Variants in ETV7 observed in about 807,000 individuals in gnomAD.
ETV7 encodes ETS variant transcription factor 7, also known as transcription factor ETV7.
Under a neutral mutation model 39.1 loss-of-function variants are expected in ETV7, and 43 were observed. The observed-to-expected ratio is 1.10, with a 90% CI of 0.86 to 1.42. ETV7 has a LOEUF of 1.42. Ranked by LOEUF, ETV7 falls within the 40% of genes most tolerant of loss-of-function variation. The pLI is 0.00. For missense variants in ETV7, 432 were observed against 442.3 expected (o/e 0.98, Z 0.21); for synonymous variants, 196 against 176.6 (o/e 1.11, Z -0.87).
intron 3 of ETV7, 23 bp from the exon 4 acceptor site, chr6:36,373,601 G>GTTGGC: frequency 1.1e-5 from 5 of 475,646 alleles, no homozygotes; most frequent in East Asian, 8.3e-5. Context: ...GGGAGGGAGG[G>GTTGGC]CAGGCTGCTG....
At chr6:36,365,542 G>C (rs923211309), downstream of ETV7, among the ~76,000 whole-genome samples, 2 of 152,344 alleles carry the variant, frequency 1.3e-5, no homozygotes, top group South Asian at 4.1e-4. Context: ...TACAGGGACA[G>C]GAGCATAGGA....
At chr6:36,364,189 G>T (rs1772628915), downstream of ETV7, among the ~76,000 whole-genome samples, 1 of 152,268 alleles carries the variant, frequency 6.6e-6, no homozygotes, top group South Asian at 2.1e-4. Flanking sequence ...CTGCACTGGG[G>T]CTGCAGGTGG....
chr6:36,376,788 A>C (rs976206143), intron 2 of ETV7, among the ~76,000 whole-genome samples: 16 of 152,006 alleles, frequency 1.1e-4, no homozygotes, highest in Non-Finnish European at 1.6e-4. Flanking sequence ...GAAAAAAAAA[A>C]AAAAAAAAGG....
rs750955429 is a variant in ETV7, at chr6:36,368,920, G to A, written c.807+9C>T. 9.4e-5 allele frequency: 152 copies of A among 1,613,976 alleles called. No individual in the cohort carries two copies. Among genetic ancestry groups the A allele is most frequent in the Non-Finnish European group, 1.2e-4 (139 of 1,179,998 alleles). On this transcript the variant is annotated intron_variant, in intron 6 of 7. Transcript: ENST00000340181. The stretch of plus-strand genomic sequence containing the variant: ...TTATGTTGAGACCATTCTGCTGGCC[G>A]AGGCTCACCTTGTGATTTCCCCAGA...
In ETV7 at chr6:36,366,984, C is replaced by T. The variant is rs368626053; in HGVS notation, c.808-9G>A. ...GTCATGTTCACCCGGTTCTGGAAAG[C>T]AAAGCAGCCCCACATCAGCCCCACT... On this transcript the variant is annotated splice_polypyrimidine_tract_variant and intron_variant, in intron 6 of 7. Transcript: ENST00000340181. 1 of 1,612,368 alleles carries T rather than the reference C, an allele frequency of 6.2e-7. No individual in the cohort carries two copies. The highest frequency in any genetic ancestry group is 1.1e-5 in the South Asian group (1 of 91,024).
chr6:36,378,255 A>T (rs1216239709), intron 2 of ETV7, among the ~76,000 whole-genome samples: 1 of 151,706 alleles, frequency 6.6e-6, no homozygotes, highest in Non-Finnish European at 1.5e-5. Flanking sequence ...AAAAAAAAAA[A>T]ACCTGACTCT....
chr6:36,355,937 T>C, intron 7 of ETV7, among the ~76,000 whole-genome samples: 1 of 152,210 alleles, frequency 6.6e-6, no homozygotes, highest in East Asian at 1.9e-4. Context: ...ACTCTCCTCC[T>C]ACGACAGAGA....
At chr6:36,383,568 C>T (rs1390877367) in intron 2 of ETV7, among the ~76,000 whole-genome samples, 3 of 151,840 alleles carry the variant, frequency 2.0e-5, no homozygotes, top group African/African-American at 4.8e-5. Flanking sequence ...GGGTGGGTGA[C>T]GGGGAATAAA....
intron 7 of ETV7, among the ~76,000 whole-genome samples, chr6:36,360,570 T>C (rs1772460588): frequency 6.6e-6 from 1 of 152,126 alleles, no homozygotes; most frequent in Non-Finnish European, 1.5e-5. Context: ...ATGCCTGAGC[T>C]GGAGAGTACA....
At chr6:36,386,995 G>A (rs1773937077) in intron 1 of ETV7, 2 of 173,454 alleles carry the variant, frequency 1.2e-5, no homozygotes, top group Admixed American at 1.1e-4. Context: ...GAGCTGCTGA[G>A]GATCAGACTC....
At chr6:36,376,674 G>A (rs1054615619) in intron 2 of ETV7, among the ~76,000 whole-genome samples, 2 of 151,992 alleles carry the variant, frequency 1.3e-5, no homozygotes, top group South Asian at 2.1e-4. Context: ...TGCTCGGGAG[G>A]CTGAAGCAGG....
At chr6:36,373,344 C>A in intron 4 of ETV7, 109 bp downstream of exon 4, 1 of 1,333,832 alleles carries the variant, frequency 7.5e-7, no homozygotes. Flanking sequence ...GGGAGGGGAG[C>A]TTGCCCACAC....
At chr6:36,375,167 C>G (rs1773254978) in intron 3 of ETV7, among the ~76,000 whole-genome samples, 1 of 151,912 alleles carries the variant, frequency 6.6e-6, no homozygotes, top group Non-Finnish European at 1.5e-5. Flanking sequence ...GTCTCTTTGC[C>G]AAATACACTG....
intron 7 of ETV7, chr6:36,354,720 G>T (rs758164782): frequency 1.4e-6 from 1 of 694,976 alleles, no homozygotes; most frequent in Non-Finnish European, 2.6e-6. Context: ...TTGGAATTTT[G>T]ATAGGGATTG....
Position 36,371,449 on chromosome 6 carries a change from C to A in ETV7, c.545G>T (p.Trp182Leu), listed in dbSNP as rs746386026. The change falls in exon 5 of 8, where the codon TGG (tryptophan) becomes TTG (leucine). Residue 182 changes from tryptophan to leucine, a missense_variant. Physicochemically the swap from Trp to Leu is moderately conservative, Grantham distance 61 (BLOSUM62 -2). Coordinates refer to ENST00000340181, the MANE Select transcript of ETV7 (RefSeq NM_016135.4). ...GAGGGACTCCTCCTTGCCAGGGGTC[C>A]ACCTTGCCAGGCCAGGGTCATCCAG... ...GHLDDPGLARWTPGKEESLNL... is the reference protein window; with the variant it reads ...GHLDDPGLARLTPGKEESLNL... 6.2e-7 allele frequency: 1 copy of A among 1,601,160 alleles called. No homozygotes were observed. Among genetic ancestry groups the A allele is most frequent in the Admixed American group, 1.7e-5 (1 of 58,444 alleles).
chr6:36,370,633 C>T (rs555464651), intron 5 of ETV7, among the ~76,000 whole-genome samples: 1 of 151,958 alleles, frequency 6.6e-6, no homozygotes, highest in East Asian at 1.9e-4. Context: ...CAGTGGCACG[C>T]AATTTACCCA....
At chr6:36,376,134 C>A in intron 2 of ETV7, 99 bp from the exon 3 acceptor site, 1 of 1,072,700 alleles carries the variant, frequency 9.3e-7, no homozygotes. Context: ...CCTGTCCTGG[C>A]CCCCAACCCC....
intron 2 of ETV7, among the ~76,000 whole-genome samples, chr6:36,377,369 A>G (rs1391317308): frequency 6.6e-6 from 1 of 152,144 alleles, no homozygotes; most frequent in Non-Finnish European, 1.5e-5. Context: ...TGGGAAGCTG[A>G]GGTGGGAGGA....
At chr6:36,382,567 G>A (rs572381136) in intron 2 of ETV7, among the ~76,000 whole-genome samples, 1 of 152,278 alleles carries the variant, frequency 6.6e-6, no homozygotes, top group South Asian at 2.1e-4. Flanking sequence ...ACAACTGTTA[G>A]CGCTGATCTA....
Sources: allele counts gnomAD v4.1 joint callset (sites outside exome capture counted in the v4.1 genomes callset), GRCh38; gene constraint gnomAD v4.1.1; transcripts MANE v1.5; gene names NCBI Gene and HGNC (gene_info 2026-07-23, HGNC 2026-07-21).